The following TMEM232 variants were observed in gnomAD, a reference collection of about 807,000 sequenced individuals.
The protein encoded by TMEM232 is transmembrane protein 232.
Under a neutral mutation model 78.8 loss-of-function variants are expected in TMEM232, and 80 were observed. The observed-to-expected ratio is 1.01, with a 90% CI of 0.85 to 1.22. The LOEUF (loss-of-function observed/expected upper bound fraction) is 1.22. Among genes scored for constraint, TMEM232 ranks in the 50% most tolerant of loss-of-function variants. The pLI, the probability that TMEM232 is intolerant of heterozygous loss-of-function variation, is 0.00. For missense variants in TMEM232, 881 were observed against 742.2 expected, an observed-to-expected ratio of 1.19 and a Z score of -2.17; for synonymous variants, 297 against 254.3, an observed-to-expected ratio of 1.17 and a Z score of -1.60.
chr5:110,618,914 G>C (rs1783285561), intron 7 of TMEM232, among the ~76,000 whole-genome samples: 1 of 152,098 alleles, frequency 6.6e-6, no homozygotes, highest in Non-Finnish European at 1.5e-5. Context: ...AGAAGGAATG[G>C]GGAAAGTTTG....
At chr5:110,643,714 T>C (rs1787072680) in intron 2 of TMEM232, among the ~76,000 whole-genome samples, 1 of 151,982 alleles carries the variant, frequency 6.6e-6, no homozygotes, top group African/African-American at 2.4e-5. Context: ...TGTTGCTCTG[T>C]GAGATAAATA....
chr5:110,665,398 A>C (rs747954253), intron 2 of TMEM232, among the ~76,000 whole-genome samples: 2 of 152,120 alleles, frequency 1.3e-5, no homozygotes, highest in African/African-American at 2.4e-5. Context: ...ATACGACTTG[A>C]GACTGGGTAA....
chr5:110,464,741 C>T (rs534881991), intron 12 of TMEM232, among the ~76,000 whole-genome samples: 3 of 152,110 alleles, frequency 2.0e-5, no homozygotes, highest in Admixed American at 1.3e-4. Context: ...TAGGATAATA[C>T]GAATCACCAT....
At chr5:110,443,355 G>A (rs941674315) in intron 12 of TMEM232, among the ~76,000 whole-genome samples, 1 of 151,988 alleles carries the variant, frequency 6.6e-6, no homozygotes, top group Non-Finnish European at 1.5e-5. Context: ...CTCTCCTTGT[G>A]GCCACTAATA....
intron 12 of TMEM232, among the ~76,000 whole-genome samples, chr5:110,438,864 C>T (rs1758717310): frequency 6.6e-6 from 1 of 152,102 alleles, no homozygotes; most frequent in African/African-American, 2.4e-5. Flanking sequence ...ATCCTGGAAA[C>T]TAAAAGTTTT....
chr5:110,439,306 A>T (rs1233804680), intron 12 of TMEM232, among the ~76,000 whole-genome samples: 1 of 152,170 alleles, frequency 6.6e-6, no homozygotes, highest in African/African-American at 2.4e-5. Context: ...TTTTGCCATT[A>T]CCTACTCCCA....
chr5:110,618,231 C>G (rs1280402114), intron 8 of TMEM232, among the ~76,000 whole-genome samples, 198 bp downstream of exon 8: 1 of 151,544 alleles, frequency 6.6e-6, no homozygotes, highest in South Asian at 2.1e-4. Context: ...TCTAGCAAAG[C>G]AGAAAAAGAG....
chr5:110,695,844 T>C lies in TMEM232; in HGVS notation c.-12-28480A>G, dbSNP rs1278796257. 8.5e-5 allele frequency among the ~76,000 whole-genome samples: 13 copies of C among 152,194 alleles called. No individual in the cohort carries two copies. In the East Asian group the frequency reaches 2.5e-3, roughly 30 times the overall value. The stretch of plus-strand genomic sequence containing the variant: ...CAACCAAAAAAAGTCCAGGACCAGA[T>C]GGATTCACAGCCAAATTCTACCAGA... On this transcript the variant is annotated intron_variant, in intron 1 of 13. Transcript: ENST00000455884.
intron 12 of TMEM232, among the ~76,000 whole-genome samples, chr5:110,515,900 T>G (rs566861361): frequency 6.6e-6 from 1 of 152,296 alleles, no homozygotes; most frequent in African/African-American, 2.4e-5. Context: ...TTACTAGCAC[T>G]ACCTGGGCTT....
intron 10 of TMEM232, among the ~76,000 whole-genome samples, chr5:110,581,538 A>T (rs543775128): frequency 6.6e-6 from 1 of 152,156 alleles, no homozygotes; most frequent in South Asian, 2.1e-4. Context: ...AAAGACTTAA[A>T]TGTGAGACTA....
At position 110,572,529 on chromosome 5, in the gene TMEM232, T is replaced by C. The variant is rs533057373; in HGVS notation, c.1277-3904A>G. Among the ~76,000 whole-genome samples the C allele has an allele frequency of 3.0e-3, 464 of 152,224 alleles. 3 individuals carry two copies. Among genetic ancestry groups the C allele is most frequent in the African/African-American group, 0.011 (440 of 41,576 alleles). ...AACACATACAAACCACTTTCCTCTA[T>C]GTATTTTAAATTATTACTTATTGAA... On this transcript the variant is annotated intron_variant, in intron 10 of 13. Coordinates refer to ENST00000455884, the MANE Select transcript of TMEM232 (RefSeq NM_001039763.4).
At chr5:110,733,283 G>A (rs1029088875) in intron 2 of TMEM232, among the ~76,000 whole-genome samples, 7 of 152,198 alleles carry the variant, frequency 4.6e-5, no homozygotes, top group Admixed American at 1.3e-4. Flanking sequence ...ACAGCAGTGC[G>A]TTGGTTCCTC....
chr5:110,636,602 T>C lies in TMEM232; in HGVS notation c.501+1596A>G, dbSNP rs146554586. Among the ~76,000 whole-genome samples, 1,518 of 152,080 alleles carry C rather than the reference T, an allele frequency of 1.0e-2. 33 individuals carry two copies. The highest frequency in any genetic ancestry group is 0.034 in the African/African-American group (1,417 of 41,532). On this transcript the variant is annotated intron_variant, in intron 5 of 13. Coordinates refer to ENST00000455884, the MANE Select transcript of TMEM232 (RefSeq NM_001039763.4). ...TAGTAAATCTGAGAACCAAGGTAGA[T>C]GTGTAGCATCATAGCTGAGAGTTCA...
chr5:110,479,631 T>G (rs532987677), intron 12 of TMEM232, among the ~76,000 whole-genome samples: 2 of 151,878 alleles, frequency 1.3e-5, no homozygotes, highest in Non-Finnish European at 3.0e-5. Flanking sequence ...TATTAATGAA[T>G]TTACCACAAC....
In TMEM232 at chr5:110,426,302, T is replaced by TA. The variant is rs200590512; in HGVS notation, c.1704-1387dup. ...TGTGTGAGTTTTATGTTTTCCTGAGTAGAGTATGAGCTACATGATCATGGA... is the reference window on the plus strand; with the variant it reads ...TGTGTGAGTTTTATGTTTTCCTGAGTAAGAGTATGAGCTACATGATCATGGA... On this transcript the variant is annotated intron_variant, in intron 12 of 13. Transcript: ENST00000455884. Among the ~76,000 whole-genome samples the TA allele has an allele frequency of 1.3e-3, 203 of 152,132 alleles. 4 individuals carry two copies. The highest frequency in any genetic ancestry group is 4.4e-3 in the African/African-American group (182 of 41,516).
At chr5:110,451,208 G>T (rs1760238401) in intron 12 of TMEM232, among the ~76,000 whole-genome samples, 1 of 149,274 alleles carries the variant, frequency 6.7e-6, no homozygotes, top group African/African-American at 2.6e-5. Context: ...CTGTGTTACA[G>T]AAGCAATTGG....
chr5:110,450,911 G>A (rs1024217185), intron 12 of TMEM232, among the ~76,000 whole-genome samples: 16 of 152,198 alleles, frequency 1.1e-4, no homozygotes, highest in Admixed American at 9.2e-4. Flanking sequence ...AAAAGACTTC[G>A]AAGGCCAAGA....
At chr5:110,449,247 C>T (rs1379453114) in intron 12 of TMEM232, among the ~76,000 whole-genome samples, 3 of 151,898 alleles carry the variant, frequency 2.0e-5, no homozygotes, top group Non-Finnish European at 4.4e-5. Context: ...TTTTAAAATA[C>T]ACACCTAGAA....
At chr5:110,528,259 T>C (rs1279489985) in intron 12 of TMEM232, among the ~76,000 whole-genome samples, 13 of 152,052 alleles carry the variant, frequency 8.5e-5, no homozygotes. Flanking sequence ...CAAATATGTA[T>C]ATATATGTAT....
Sources: gnomAD v4.1 joint callset for allele counts (sites outside exome capture counted in the v4.1 genomes callset) on GRCh38, gnomAD v4.1.1 for gene constraint, MANE v1.5 for transcripts, NCBI Gene and HGNC (gene_info 2026-07-23, HGNC 2026-07-21) for gene names.